Variants in PDE9A observed in about 807,000 individuals in gnomAD.
The protein encoded by PDE9A is high affinity cGMP-specific 3',5'-cyclic phosphodiesterase 9A.
PDE9A carries 60 observed loss-of-function variants against 87.4 expected under a neutral mutation model. The ratio of observed to expected loss-of-function variants is 0.69; its 90% CI spans 0.56 to 0.85. The LOEUF is 0.85. PDE9A is among the 40% of genes least tolerant of loss of function. The pLI, the probability that PDE9A is intolerant of heterozygous loss-of-function variation, is 0.00. For synonymous variants in PDE9A, 272 were observed against 279.4 expected (o/e 0.97, Z 0.27); for missense variants, 665 against 779.0 (o/e 0.85, Z 1.74).
At chr21:42,689,322 G>A (rs1050201365) in intron 3 of PDE9A, among the ~76,000 whole-genome samples, 3 of 152,182 alleles carry the variant, frequency 2.0e-5, no homozygotes, top group African/African-American at 7.2e-5. Context: ...CAGGATGCCC[G>A]TCTCCTGCCC....
chr21:42,742,474 T>G (rs1379409356), intron 7 of PDE9A, among the ~76,000 whole-genome samples: 1 of 141,648 alleles, frequency 7.1e-6, no homozygotes, highest in Non-Finnish European at 1.5e-5. Context: ...TTTTTTTTTT[T>G]TTTTTTTTTG....
In PDE9A at chr21:42,768,290, C is replaced by A; in HGVS notation, c.1459C>A (p.Gln487Lys). 1 of 1,556,144 alleles carries A rather than the reference C, an allele frequency of 6.4e-7. No homozygotes were observed. The highest frequency in any genetic ancestry group is 8.9e-7 in the Non-Finnish European group (1 of 1,127,202). The change falls in exon 16 of 20, where the codon CAG (glutamine) becomes AAG (lysine). Residue 487 changes from glutamine (Q) to lysine (K), a missense_variant and splice_region_variant. Coordinates refer to ENST00000291539, the MANE Select transcript of PDE9A (RefSeq NM_002606.3). ...VDCLLEEYFMQSDREKSEGLP... is the reference protein window; with the variant it reads ...VDCLLEEYFMKSDREKSEGLP... ...CTGTTTATTAGAGGAATATTTTATG[C>A]AGGTAAGAGTCTTGCAGAGCAATCA...
At chr21:42,662,341 C>T (rs2145838379) in intron 1 of PDE9A, among the ~76,000 whole-genome samples, 1 of 152,126 alleles carries the variant, frequency 6.6e-6, no homozygotes, top group South Asian at 2.1e-4. Flanking sequence ...CCCAGGTTAG[C>T]TCCCATCCAC....
chr21:42,761,947 A>T, intron 13 of PDE9A, 136 bp from the exon 14 acceptor site: 1 of 813,548 alleles, frequency 1.2e-6, no homozygotes, highest in Non-Finnish European at 1.9e-6. Context: ...AGGCCAGGGC[A>T]CAGGCAGCTC....
rs1256884628 is a variant in PDE9A at position 42,740,573 on chromosome 21, AGATGGATGGGTGGATGGATG to A, written c.569-3193_569-3174del. ...AGATACATAAATATGATGAATGCAT[AGATGGATGGGTGGATGGATG>A]GATGGATGGATGGATGGATGGATGG... is the stretch of plus-strand genomic sequence containing the variant. On this transcript the variant is annotated intron_variant, in intron 7 of 19. Coordinates refer to ENST00000291539, the MANE Select transcript of PDE9A (RefSeq NM_002606.3). 1.9e-3 allele frequency among the ~76,000 whole-genome samples: 175 copies of A among 90,250 alleles called. 1 individual carries two copies. Among genetic ancestry groups the A allele is most frequent in the African/African-American group, 7.0e-3 (171 of 24,570 alleles). 59.2% of individuals were successfully genotyped at this position (90,250 alleles called of 152,430 possible).
Position 42,670,320 on chromosome 21 carries a change from T to A in PDE9A, c.70-15872T>A, listed in dbSNP as rs796407678. ...ACACACATACACTTAGACACCACAC[T>A]CACATTCACACACATTCACATACAT... On this transcript the variant is annotated intron_variant, in intron 1 of 19. Transcript: ENST00000291539. Among the ~76,000 whole-genome samples, 30 of 140,022 alleles carry A rather than the reference T, an allele frequency of 2.1e-4. 1 individual carries two copies. Among genetic ancestry groups the A allele is most frequent in the East Asian group, 8.3e-4 (4 of 4,816 alleles). 91.9% of individuals were successfully genotyped at this position (140,022 alleles called of 152,430 possible). A position where few individuals can be genotyped will look rare whatever the true frequency, so the allele number is the denominator to read the frequency against.
chr21:42,764,879 G>A (rs2056207949), intron 14 of PDE9A, among the ~76,000 whole-genome samples: 1 of 152,106 alleles, frequency 6.6e-6, no homozygotes, highest in African/African-American at 2.4e-5. Context: ...TAGATTGATG[G>A]GTTTGGGTTT....
At chr21:42,767,834 C>T in intron 15 of PDE9A, among the ~76,000 whole-genome samples, 1 of 152,194 alleles carries the variant, frequency 6.6e-6, no homozygotes, top group East Asian at 1.9e-4. Flanking sequence ...TATGGCATGC[C>T]CAACCCTGGC....
At chr21:42,670,230 TAC>T (rs1201736159) in intron 1 of PDE9A, among the ~76,000 whole-genome samples, 3 of 74,156 alleles carry the variant, frequency 4.0e-5, no homozygotes, top group Admixed American at 2.3e-4. Flanking sequence ...CACATACACT[TAC>T]ATTCACACTC....
intron 1 of PDE9A, among the ~76,000 whole-genome samples, chr21:42,668,887 C>T (rs1472678645): frequency 1.5e-5 from 2 of 135,882 alleles, no homozygotes; most frequent in Admixed American, 1.4e-4. Flanking sequence ...ATTATCAGAG[C>T]TGCTCCCTCC....
At chr21:42,751,430 C>T (rs930148422) in intron 9 of PDE9A, among the ~76,000 whole-genome samples, 20 of 152,234 alleles carry the variant, frequency 1.3e-4, no homozygotes, top group Admixed American at 1.1e-3. Flanking sequence ...ATAACAGCTC[C>T]GTGCTGCTGT....
chr21:42,730,247 T>C (rs1351877263), intron 4 of PDE9A, among the ~76,000 whole-genome samples: 1 of 152,164 alleles, frequency 6.6e-6, no homozygotes, highest in East Asian at 1.9e-4. Flanking sequence ...AACCTATGGC[T>C]GTATGAAAAT....
chr21:42,727,326 G>GTGTT lies in PDE9A; in HGVS notation c.263-4430_263-4427dup, dbSNP rs931370173. ...TTTTGAGTGACTGTAAATGGTACTGGTGTTTGTTTGTTTGTTTTTGAGACA... is the reference window on the plus strand; with the variant it reads ...TTTTGAGTGACTGTAAATGGTACTGGTGTTTGTTTGTTTGTTTGTTTTTGAGACA... On this transcript the variant is annotated intron_variant, in intron 4 of 19. Coordinates refer to ENST00000291539, the MANE Select transcript of PDE9A (RefSeq NM_002606.3). Among the ~76,000 whole-genome samples the GTGTT allele has an allele frequency of 4.0e-5, 6 of 151,840 alleles. No homozygotes were observed. The South Asian group carries it at 8.3e-4, about 21-fold the overall frequency.
At chr21:42,754,382 C>T (rs1018887968) in intron 10 of PDE9A, among the ~76,000 whole-genome samples, 6 of 152,208 alleles carry the variant, frequency 3.9e-5, no homozygotes, top group Non-Finnish European at 8.8e-5. Flanking sequence ...GACCCTCATG[C>T]ACGCCGGTGG....
intron 8 of PDE9A, 41 bp downstream of exon 8, chr21:42,743,901 A>C: frequency 8.3e-7 from 1 of 1,209,872 alleles, no homozygotes; most frequent in Non-Finnish European, 1.2e-6. Context: ...GGGCCTGGGG[A>C]GGGCTCCCCG....
rs527254747 is a variant in PDE9A at position 42,704,431 on chromosome 21, C to G, written c.262+5420C>G. Among the ~76,000 whole-genome samples the G allele has an allele frequency of 1.8e-5, 2 of 114,116 alleles. No homozygotes were observed. The highest frequency in any genetic ancestry group is 6.5e-4 in the South Asian group (2 of 3,080). 74.9% of individuals were successfully genotyped at this position (114,116 alleles called of 152,430 possible). A position where few individuals can be genotyped will look rare whatever the true frequency, so the allele number is the denominator to read the frequency against. On this transcript the variant is annotated intron_variant, in intron 4 of 19. Coordinates refer to ENST00000291539, the MANE Select transcript of PDE9A (RefSeq NM_002606.3). The surrounding 1 kb of genome is among the most constrained non-coding windows in gnomAD (Gnocchi z 5.3). ...GTCAGGTAGACCCCCCCCACCCCACCAAACACACACACACACACACACACA... is the reference window on the plus strand; with the variant it reads ...GTCAGGTAGACCCCCCCCACCCCACGAAACACACACACACACACACACACA...
intron 2 of PDE9A, among the ~76,000 whole-genome samples, chr21:42,686,885 C>T (rs905598605): frequency 7.2e-5 from 11 of 151,974 alleles, no homozygotes; most frequent in Admixed American, 3.3e-4. Context: ...TTGGAGAAAG[C>T]GGGGTGGTTG....
intron 9 of PDE9A, among the ~76,000 whole-genome samples, chr21:42,753,119 A>G (rs2284969): frequency 0.68 from 103,302 of 151,888 alleles, 35,767 homozygotes; most frequent in East Asian, 0.86. Context: ...CAATTCTCCC[A>G]CCTCAGGCTC....
intron 8 of PDE9A, 50 bp from the exon 9 acceptor site, chr21:42,751,066 A>C: frequency 1.6e-6 from 2 of 1,225,518 alleles, no homozygotes; most frequent in African/African-American, 3.0e-5. Flanking sequence ...TGAGGGCTTC[A>C]CCAGACTGAA....
Sources: allele counts gnomAD v4.1 joint callset (sites outside exome capture counted in the v4.1 genomes callset), GRCh38; gene constraint gnomAD v4.1.1; non-coding constraint Gnocchi (gnomAD v3.1); transcripts MANE v1.5; gene names NCBI Gene and HGNC (gene_info 2026-07-23, HGNC 2026-07-21).